Variants in EXD2 observed in about 807,000 individuals in gnomAD.
EXD2 encodes the protein exonuclease 3'-5' domain-containing protein 2.
EXD2 carries 40 observed loss-of-function variants against 62.5 expected under a neutral mutation model. The ratio of observed to expected loss-of-function variants is 0.64; its 90% confidence interval spans 0.50 to 0.83. The LOEUF is 0.83. EXD2 is among the 40% of genes least tolerant of loss of function. The pLI, the probability that EXD2 is intolerant of heterozygous loss-of-function variation, is 0.00. For missense variants in EXD2, 671 were observed against 761.8 expected, an observed-to-expected ratio of 0.88 and a Z score of 1.40; for synonymous variants, 239 against 291.9, an observed-to-expected ratio of 0.82 and a Z score of 1.85.
At chr14:69,228,599 C>T (rs140355502) in intron 3 of EXD2, among the ~76,000 whole-genome samples, 137 of 152,208 alleles carry the variant, frequency 9.0e-4, no homozygotes, top group African/African-American at 2.9e-3. Context: ...CAGACCTTGG[C>T]GTTTGGGGTT....
chr14:69,228,265 C>A (rs1448449393), intron 3 of EXD2, among the ~76,000 whole-genome samples: 4 of 143,520 alleles, frequency 2.8e-5, no homozygotes, highest in Admixed American at 7.3e-5. Context: ...AATCTCGGCT[C>A]ACTGCAACCT....
chr14:69,195,538 C>T (rs1439055954), intron 1 of EXD2, among the ~76,000 whole-genome samples: 1 of 152,144 alleles, frequency 6.6e-6, no homozygotes, highest in Non-Finnish European at 1.5e-5. Flanking sequence ...GTAATTCACA[C>T]ACCATACAAT....
At chr14:69,202,111 C>T (rs1304193977) in intron 1 of EXD2, among the ~76,000 whole-genome samples, 3 of 152,038 alleles carry the variant, frequency 2.0e-5, no homozygotes, top group Admixed American at 6.6e-5. Flanking sequence ...GGCAACCTGG[C>T]GAAACCCCGT....
intron 1 of EXD2, among the ~76,000 whole-genome samples, chr14:69,192,682 A>G (rs1955146698): frequency 2.0e-5 from 3 of 152,200 alleles, no homozygotes; most frequent in Admixed American, 2.0e-4. Context: ...ATGTGTACGT[A>G]TAAGATATAT....
chr14:69,213,445 A>T (rs868207292), intron 3 of EXD2, among the ~76,000 whole-genome samples: 1 of 138,580 alleles, frequency 7.2e-6, no homozygotes, highest in African/African-American at 2.7e-5. Context: ...AGCATGGCTC[A>T]CTGCAGCCTC....
rs764150129 is a variant in EXD2, at chr14:69,236,088, T to G, written c.1092T>G (p.Asp364Glu). 1.2e-6 allele frequency: 2 copies of G among 1,614,260 alleles called. No individual in the cohort carries two copies. Among genetic ancestry groups the G allele is most frequent in the South Asian group, 2.2e-5 (2 of 91,084 alleles). ...LYDNCFLHAPDGQPLCTCDRR... is the reference protein window; with the variant it reads ...LYDNCFLHAPEGQPLCTCDRR... ...ATAACTGCTTTCTCCATGCTCCTGATGGACAGCCCCTCTGCACTTGTGATA... is the reference window on the plus strand; with the variant it reads ...ATAACTGCTTTCTCCATGCTCCTGAGGGACAGCCCCTCTGCACTTGTGATA... Residue 364 changes from aspartate to glutamate, a missense_variant, in exon 7 of 10, where the codon GAT becomes GAG. Asp to Glu is a conservative substitution (Grantham distance 45). Coordinates refer to ENST00000685843, the MANE Select transcript of EXD2 (RefSeq NM_001193360.2).
chr14:69,212,142 G>T (rs948888549), intron 3 of EXD2, among the ~76,000 whole-genome samples: 7 of 152,240 alleles, frequency 4.6e-5, no homozygotes, highest in African/African-American at 1.7e-4. Flanking sequence ...TTGGGAGGCC[G>T]AGGCGGGCAG....
intron 1 of EXD2, among the ~76,000 whole-genome samples, chr14:69,196,854 G>A (rs762228422): frequency 2.6e-5 from 4 of 151,392 alleles, no homozygotes; most frequent in East Asian, 1.9e-4. Context: ...AATTCCTGGC[G>A]TCAAGTGATC....
intron 1 of EXD2, among the ~76,000 whole-genome samples, chr14:69,194,063 T>G (rs1204151162): frequency 6.6e-6 from 1 of 152,136 alleles, no homozygotes; most frequent in Non-Finnish European, 1.5e-5. Flanking sequence ...GGAATAGTTT[T>G]TTTTCTTTAA....
intron 2 of EXD2, among the ~76,000 whole-genome samples, chr14:69,205,629 C>T (rs17106800): frequency 0.011 from 1,723 of 152,130 alleles, 27 homozygotes; most frequent in East Asian, 0.056. Flanking sequence ...GCTCTATGCA[C>T]TATTTTTATT....
chr14:69,198,772 C>G (rs1182490399), intron 1 of EXD2, among the ~76,000 whole-genome samples: 1 of 152,140 alleles, frequency 6.6e-6, no homozygotes, highest in East Asian at 1.9e-4. Flanking sequence ...CTTACACGAA[C>G]CTAGATGGAA....
intron 1 of EXD2, among the ~76,000 whole-genome samples, chr14:69,194,832 C>T (rs2042146475): frequency 6.6e-6 from 1 of 152,198 alleles, no homozygotes. Flanking sequence ...TATATCAGCT[C>T]ATGTACTCTC....
chr14:69,213,373 CTTTTTTTT>C (rs150182640), intron 3 of EXD2, among the ~76,000 whole-genome samples: 5 of 89,998 alleles, frequency 5.6e-5, no homozygotes, highest in Admixed American at 1.4e-4. Flanking sequence ...ATGCTGGGCC[CTTTTTTTT>C]TTTTTTTTTT....
intron 8 of EXD2, 37 bp downstream of exon 8, chr14:69,236,579 C>T (rs983019098): frequency 1.2e-6 from 2 of 1,613,268 alleles, no homozygotes; most frequent in Non-Finnish European, 1.7e-6. Context: ...TTGTCTGTGG[C>T]AGATGGAAAT....
chr14:69,198,243 A>G (rs1419875498), intron 1 of EXD2, among the ~76,000 whole-genome samples: 1 of 152,242 alleles, frequency 6.6e-6, no homozygotes, highest in African/African-American at 2.4e-5. Context: ...CTGAATTACC[A>G]TATAATTTCT....
chr14:69,197,852 T>C (rs1168337407), intron 1 of EXD2, among the ~76,000 whole-genome samples: 2 of 152,034 alleles, frequency 1.3e-5, no homozygotes, highest in African/African-American at 4.8e-5. Context: ...TATAAAACAA[T>C]CTTTTCTTCT....
At chr14:69,202,726 A>C (rs1382264591) in intron 1 of EXD2, among the ~76,000 whole-genome samples, 1 of 152,238 alleles carries the variant, frequency 6.6e-6, no homozygotes, top group Non-Finnish European at 1.5e-5. Flanking sequence ...CTGAAAACAA[A>C]TATTCAGTTT....
At chr14:69,225,977 A>C (rs138192947) in intron 3 of EXD2, among the ~76,000 whole-genome samples, 2,018 of 152,302 alleles carry the variant, frequency 0.013, 42 homozygotes, top group African/African-American at 0.047. Context: ...CTGTCTATTT[A>C]TCTAGTTATT....
intron 6 of EXD2, chr14:69,235,704 A>AT: frequency 3.1e-6 from 1 of 321,990 alleles, no homozygotes; most frequent in Admixed American, 4.8e-5. Flanking sequence ...AAAATTTTTA[A>AT]TGTACTTTGT....
Sources: allele counts gnomAD v4.1 joint callset (sites outside exome capture counted in the v4.1 genomes callset), GRCh38; gene constraint gnomAD v4.1.1; transcripts MANE v1.5; gene names NCBI Gene and HGNC (gene_info 2026-07-23, HGNC 2026-07-21).